The following PRKG1 variants were observed in gnomAD, a reference collection of about 807,000 sequenced individuals.
PRKG1 encodes protein kinase cGMP-dependent 1.
PRKG1 carries 35 observed loss-of-function variants against 88.1 expected under a neutral mutation model. That is an observed-to-expected ratio of 0.40 (90% CI 0.30 to 0.53). The LOEUF is 0.53. PRKG1 is among the 20% of genes least tolerant of loss of function. The pLI is 0.59. For missense variants in PRKG1, 540 were observed against 839.8 expected, an observed-to-expected ratio of 0.64 and a Z score of 4.41; for synonymous variants, 303 against 292.5, an observed-to-expected ratio of 1.04 and a Z score of -0.37.
rs543227599 is a variant in PRKG1, at chr10:51,217,289, A to G, written c.478+63959A>G. Among the ~76,000 whole-genome samples, 102 of 152,278 alleles carry G rather than the reference A, an allele frequency of 6.7e-4. 1 individual carries two copies. In the South Asian group the frequency reaches 0.017, roughly 26 times the overall value. Reference sequence around the variant, plus strand: ...GGGAATGGCTTATTTTACACATATAAAATTATACATATCTTCACAGCATCT... The same window carrying G: ...GGGAATGGCTTATTTTACACATATAGAATTATACATATCTTCACAGCATCT... On this transcript the variant is annotated intron_variant, in intron 2 of 17. Coordinates refer to ENST00000373980, the MANE Select transcript of PRKG1 (RefSeq NM_006258.4).
At chr10:51,279,596 T>C (rs541983295) in intron 2 of PRKG1, among the ~76,000 whole-genome samples, 1 of 152,350 alleles carries the variant, frequency 6.6e-6, no homozygotes, top group African/African-American at 2.4e-5. Context: ...GATAGTTAGC[T>C]CTTCTTATTG....
At chr10:51,831,898 C>A (rs1421022745) in intron 4 of PRKG1, among the ~76,000 whole-genome samples, 2 of 151,888 alleles carry the variant, frequency 1.3e-5, no homozygotes, top group Admixed American at 6.6e-5. Context: ...AAGAAACTAT[C>A]AATTTTTTGG....
intron 3 of PRKG1, among the ~76,000 whole-genome samples, chr10:51,544,057 T>C (rs552249429): frequency 1.1e-4 from 16 of 152,082 alleles, no homozygotes; most frequent in African/African-American, 3.9e-4. Flanking sequence ...AACATTTTGG[T>C]TTTTTTTAAA....
At chr10:51,764,879 G>A (rs1245794663) in intron 3 of PRKG1, among the ~76,000 whole-genome samples, 2 of 152,150 alleles carry the variant, frequency 1.3e-5, no homozygotes, top group African/African-American at 4.8e-5. Context: ...TAGGCAGAGA[G>A]CTTATTAGAC....
chr10:51,754,561 G>A (rs542622054), intron 3 of PRKG1, among the ~76,000 whole-genome samples: 2 of 152,260 alleles, frequency 1.3e-5, no homozygotes, highest in East Asian at 3.9e-4. Context: ...TCTGCTTTCA[G>A]AGCAAAATGG....
intron 3 of PRKG1, among the ~76,000 whole-genome samples, chr10:51,785,406 G>A (rs1838703205): frequency 6.6e-6 from 1 of 151,890 alleles, no homozygotes; most frequent in African/African-American, 2.4e-5. Context: ...AAAACAAAAT[G>A]TATGGAAAAC....
At chr10:51,199,075 T>C (rs1185907423) in intron 2 of PRKG1, among the ~76,000 whole-genome samples, 1 of 152,212 alleles carries the variant, frequency 6.6e-6, no homozygotes, top group Non-Finnish European at 1.5e-5. Flanking sequence ...TGTTTTCTTC[T>C]CATTCCTTTT....
intron 1 of PRKG1, 115 bp from the exon 2 acceptor site, chr10:51,153,048 TC>T (rs1252348223): frequency 1.5e-4 from 109 of 710,068 alleles, no homozygotes; most frequent in Non-Finnish European, 8.0e-5. Context: ...ATTATTGGAT[TC>T]CTAACAAGAA....
chr10:51,737,740 A>ATTTATTATT (rs765792966), intron 3 of PRKG1, among the ~76,000 whole-genome samples: 14 of 133,420 alleles, frequency 1.0e-4, no homozygotes, highest in South Asian at 7.2e-4. Context: ...TTTATTTATT[A>ATTTATTATT]ATTATTATTA....
At chr10:51,866,393 A>G (rs1271004687) in intron 4 of PRKG1, among the ~76,000 whole-genome samples, 2 of 152,114 alleles carry the variant, frequency 1.3e-5, no homozygotes, top group African/African-American at 4.8e-5. Flanking sequence ...CCATCCCTGG[A>G]AAGAATGAAA....
chr10:51,333,327 A>T (rs1167984197), intron 2 of PRKG1, among the ~76,000 whole-genome samples: 1 of 152,226 alleles, frequency 6.6e-6, no homozygotes, highest in East Asian at 1.9e-4. Flanking sequence ...AGTGCTTACT[A>T]TGTGCCAGGC....
chr10:52,055,789 T>C (rs1226686691), intron 6 of PRKG1, among the ~76,000 whole-genome samples: 1 of 152,198 alleles, frequency 6.6e-6, no homozygotes, highest in Non-Finnish European at 1.5e-5. Flanking sequence ...ACTTTATAAA[T>C]GAAGCATATT....
chr10:51,143,970 T>C (rs1451924506), intron 1 of PRKG1, among the ~76,000 whole-genome samples: 4 of 152,066 alleles, frequency 2.6e-5, no homozygotes, highest in African/African-American at 7.2e-5. Context: ...GAGGCTTTTT[T>C]TGATGTAATC....
Position 52,148,957 on chromosome 10 carries a change from C to CTTTTTTTTTTTTTTTTTTTTT in PRKG1, c.1002-12926_1002-12906dup, listed in dbSNP as rs71904885. Among the ~76,000 whole-genome samples, 10 of 55,160 alleles carry CTTTTTTTTTTTTTTTTTTTTT rather than the reference C, an allele frequency of 1.8e-4. 1 individual carries two copies. The highest frequency in any genetic ancestry group is 6.7e-4 in the African/African-American group (9 of 13,338). The allele number at this position is 55,160 out of a possible 152,430, so 36.2% of individuals were successfully genotyped here. A position where few individuals can be genotyped will look rare whatever the true frequency, so the allele number is the denominator to read the frequency against. ...TATTTGACCACAGAGGATAGTTTTG[C>CTTTTTTTTTTTTTTTTTTTTT]TTTTTTTTTTTTTTTTTTTTTTTTT... On this transcript the variant is annotated intron_variant, in intron 8 of 17. Transcript: ENST00000373980.
chr10:51,255,963 T>C (rs1399668787), intron 2 of PRKG1, among the ~76,000 whole-genome samples: 2 of 152,150 alleles, frequency 1.3e-5, no homozygotes, highest in Non-Finnish European at 2.9e-5. Context: ...AGAAGACTTC[T>C]AATGGGTCCA....
chr10:51,489,428 G>A (rs1840645560), intron 3 of PRKG1, among the ~76,000 whole-genome samples: 1 of 152,122 alleles, frequency 6.6e-6, no homozygotes, highest in Non-Finnish European at 1.5e-5. Context: ...TTCTCAAAAT[G>A]TATTCCCCCA....
chr10:51,856,533 A>T (rs184443760), intron 4 of PRKG1, among the ~76,000 whole-genome samples: 2 of 152,334 alleles, frequency 1.3e-5, no homozygotes, highest in Admixed American at 1.3e-4. Flanking sequence ...ATGTTAACTT[A>T]AACCTTTTTT....
intron 5 of PRKG1, among the ~76,000 whole-genome samples, chr10:51,967,556 TAA>T (rs1017856132): frequency 7.1e-6 from 1 of 141,160 alleles, no homozygotes; most frequent in South Asian, 2.2e-4. Context: ...ACCTAAAGTA[TAA>T]AAAAAAAAAA....
chr10:51,927,400 C>T (rs1294230891), intron 5 of PRKG1, among the ~76,000 whole-genome samples: 2 of 152,126 alleles, frequency 1.3e-5, no homozygotes, highest in Non-Finnish European at 2.9e-5. Context: ...AGTCCATTAA[C>T]CTAAAACCTC....
Sources: allele counts gnomAD v4.1 joint callset (sites outside exome capture counted in the v4.1 genomes callset), GRCh38; gene constraint gnomAD v4.1.1; transcripts MANE v1.5; gene names NCBI Gene and HGNC (gene_info 2026-07-23, HGNC 2026-07-21).